Variants in CACNA1B observed in about 807,000 individuals in gnomAD.
CACNA1B encodes voltage-dependent N-type calcium channel subunit alpha-1B.
A neutral mutation model predicts 247.2 loss-of-function variants in CACNA1B; 70 were observed. The observed-to-expected ratio is 0.28, with a 90% CI of 0.23 to 0.35. The LOEUF is 0.35. CACNA1B is among the 10% of genes least tolerant of loss of function. CACNA1B has a pLI of 1.00. For missense variants in CACNA1B, 2,367 were observed against 3,197.4 expected (o/e 0.74, Z 6.26); for synonymous variants, 1,231 against 1,294.4 (o/e 0.95, Z 1.05).
chr9:138,007,930 C>T lies in CACNA1B; in HGVS notation c.2092+1046C>T, dbSNP rs1442937620. On this transcript the variant is annotated intron_variant, in intron 16 of 46. Coordinates refer to ENST00000371372, the MANE Select transcript of CACNA1B (RefSeq NM_000718.4). This position sits in a 1 kb window ranked among gnomAD's most constrained non-coding sequence, Gnocchi z 4.1. Reference sequence around the variant, plus strand: ...GCAGACTTCACCTTCTTTCCTGTCTCCATCTCCCTGGCTCCTCATTCCTTG... The same window carrying T: ...GCAGACTTCACCTTCTTTCCTGTCTTCATCTCCCTGGCTCCTCATTCCTTG... Among the ~76,000 whole-genome samples the T allele has an allele frequency of 6.6e-6, 1 of 152,230 alleles. No individual in the cohort carries two copies. Among genetic ancestry groups the T allele is most frequent in the Non-Finnish European group, 1.5e-5 (1 of 68,044 alleles).
intron 37 of CACNA1B, among the ~76,000 whole-genome samples, chr9:138,097,581 TC>T (rs1418772087): frequency 2.0e-5 from 3 of 152,154 alleles, no homozygotes; most frequent in Non-Finnish European, 2.9e-5. Context: ...CGGGAAATGA[TC>T]GTGGATGAGC....
In CACNA1B at chr9:138,105,699, C is replaced by T. The variant is rs2131353849; in HGVS notation, c.5320C>T (p.Arg1774Cys). ...KKCPARVAYK[R>C]LVRMNMPISN... Reference sequence around the variant, plus strand: ...CCTGACCGGCCCTGCTTGTCCCTAGCGCCTGGTTCGCATGAACATGCCCAT... The same window carrying T: ...CCTGACCGGCCCTGCTTGTCCCTAGTGCCTGGTTCGCATGAACATGCCCAT... The change falls in exon 39 of 47, where the codon CGC becomes TGC. Residue 1774 changes from arginine to cysteine, a missense_variant and splice_region_variant. Arg to Cys is a radical substitution (Grantham distance 180). This residue lies in a region of CACNA1B where 55 missense variants were observed against 107.8 expected (regional missense o/e 0.51). Coordinates refer to ENST00000371372, the MANE Select transcript of CACNA1B (RefSeq NM_000718.4). 2 of 1,540,502 alleles carry T rather than the reference C, an allele frequency of 1.3e-6. No homozygotes were observed. Among genetic ancestry groups the T allele is most frequent in the Non-Finnish European group, 1.8e-6 (2 of 1,137,926 alleles).
rs762688954 is a variant in CACNA1B, at chr9:138,120,248, C to G, written c.6114C>G (p.Thr2038=). The G allele has an allele frequency of 1.2e-6, 2 of 1,603,994 alleles. No homozygotes were observed. Among genetic ancestry groups the G allele is most frequent in the East Asian group, 4.5e-5 (2 of 44,060 alleles). The change falls in exon 45 of 47, where the codon ACC becomes ACG. Residue 2038 remains threonine, a synonymous_variant. Coordinates refer to ENST00000371372, the MANE Select transcript of CACNA1B (RefSeq NM_000718.4). ...RPRGTHLCST[T]PDRPPPSQAS... ...GTGGGACTCATCTTTGCAGCACCAC[C>G]CCGGACCGCCCACCCCCTAGCCAGG...
At position 138,057,946 on chromosome 9, in the gene CACNA1B, G is replaced by A; in HGVS notation, c.4106+77G>A. 1 of 1,571,436 alleles carries A rather than the reference G, an allele frequency of 6.4e-7. No homozygotes were observed. Among genetic ancestry groups the A allele is most frequent in the Non-Finnish European group, 8.7e-7 (1 of 1,146,474 alleles). On this transcript the variant is annotated intron_variant, in intron 27 of 46. Coordinates refer to ENST00000371372, the MANE Select transcript of CACNA1B (RefSeq NM_000718.4). This position sits in a 1 kb window ranked among gnomAD's most constrained non-coding sequence, Gnocchi z 4.0. The stretch of plus-strand genomic sequence containing the variant: ...GCCTCCCTTCCTCCCTCTATCCCTG[G>A]GCTCAGGCATGGAAGCAGACCCACC...
Position 138,102,422 on chromosome 9 carries a change from AT to A in CACNA1B, c.5223-288del, listed in dbSNP as rs1447705591. 6.6e-6 allele frequency among the ~76,000 whole-genome samples: 1 copy of A among 151,824 alleles called. No homozygotes were observed. The highest frequency in any genetic ancestry group is 1.5e-5 in the Non-Finnish European group (1 of 67,956). ...CGATGCAGCCCTTCCTCACCCCTCC[AT>A]GTTCATTAGCTCAGACGCCACCCCC... On this transcript the variant is annotated intron_variant, in intron 37 of 46. Transcript: ENST00000371372. The surrounding 1 kb of genome is among the most constrained non-coding windows in gnomAD (Gnocchi z 5.4).
intron 31 of CACNA1B, among the ~76,000 whole-genome samples, chr9:138,065,481 C>T (rs767251656): frequency 5.3e-5 from 8 of 152,184 alleles, no homozygotes; most frequent in Non-Finnish European, 1.2e-4. Context: ...GACGCTCCTG[C>T]AGGCCCAGGC....
At chr9:138,083,516 G>A (rs1291034006) in intron 36 of CACNA1B, among the ~76,000 whole-genome samples, 1 of 150,696 alleles carries the variant, frequency 6.6e-6, no homozygotes, top group Non-Finnish European at 1.5e-5. Flanking sequence ...TGGTGCGTTG[G>A]CCACCCAGAG....
intron 15 of CACNA1B, among the ~76,000 whole-genome samples, chr9:137,992,605 A>T (rs970754762): frequency 6.6e-6 from 1 of 152,164 alleles, no homozygotes; most frequent in African/African-American, 2.4e-5. Context: ...AGGTATTTAC[A>T]GAGCATTCTA....
chr9:138,079,475 G>A (rs1282387257), intron 36 of CACNA1B, among the ~76,000 whole-genome samples: 3 of 152,122 alleles, frequency 2.0e-5, no homozygotes, highest in African/African-American at 7.2e-5. Context: ...GGGCGTGGTG[G>A]CTCACACCTG....
intron 32 of CACNA1B, among the ~76,000 whole-genome samples, chr9:138,071,146 G>A (rs921810029): frequency 7.2e-5 from 11 of 152,236 alleles, no homozygotes; most frequent in African/African-American, 2.4e-4. Flanking sequence ...TCACCTCCTG[G>A]ACTGGGTGTC....
intron 3 of CACNA1B, among the ~76,000 whole-genome samples, chr9:137,901,951 A>G (rs1423409443): frequency 1.3e-5 from 2 of 152,158 alleles, no homozygotes; most frequent in Admixed American, 6.5e-5. Context: ...TCGACCTCCC[A>G]AAGTGCTGGG....
At chr9:138,060,816 G>A (rs921131618) in intron 31 of CACNA1B, among the ~76,000 whole-genome samples, 5 of 152,190 alleles carry the variant, frequency 3.3e-5, no homozygotes, top group African/African-American at 7.2e-5. Flanking sequence ...GAGACAGAGC[G>A]GAGCTCCGTC....
At chr9:137,933,913 T>G (rs1159531981) in intron 6 of CACNA1B, among the ~76,000 whole-genome samples, 1 of 152,148 alleles carries the variant, frequency 6.6e-6, no homozygotes, top group African/African-American at 2.4e-5. Context: ...ATTACTTATT[T>G]GTTATTTTGT....
At position 137,957,719 on chromosome 9, in the gene CACNA1B, AGGCTT is replaced by A; in HGVS notation, c.1333+34_1333+38del. The A allele has an allele frequency of 6.8e-7, 1 of 1,465,950 alleles. No individual in the cohort carries two copies. The highest frequency in any genetic ancestry group is 9.3e-7 in the Non-Finnish European group (1 of 1,075,200). The allele number at this position is 1,465,950 out of a possible 1,614,324, so 90.8% of individuals were successfully genotyped here. A position where few individuals can be genotyped will look rare whatever the true frequency, so the allele number is the denominator to read the frequency against. On this transcript the variant is annotated intron_variant, in intron 10 of 46. Transcript: ENST00000371372. The surrounding 1 kb of genome is among the most constrained non-coding windows in gnomAD (Gnocchi z 4.7). ...CTCAGGGTGTCCCTCCAGCTCTGCC[AGGCTT>A]GAGCTGGACATGGAGTGCATGCTCC...
At chr9:138,077,660 G>A (rs1443524531) in intron 35 of CACNA1B, among the ~76,000 whole-genome samples, 4 of 152,218 alleles carry the variant, frequency 2.6e-5, no homozygotes, top group Admixed American at 6.5e-5. Context: ...ACAGTGAGGA[G>A]TGGTGAGAGC....
chr9:138,032,560 G>T, intron 20 of CACNA1B: 1 of 405,824 alleles, frequency 2.5e-6, no homozygotes, highest in Non-Finnish European at 4.8e-6. Context: ...TTTGTGGTAG[G>T]TCTGCGGGTG....
Position 138,064,215 on chromosome 9 carries a change from C to T in CACNA1B, c.4668+4478C>T, listed in dbSNP as rs146715561. Among the ~76,000 whole-genome samples the T allele has an allele frequency of 3.3e-4, 51 of 152,330 alleles. No homozygotes were observed. In the East Asian group the frequency reaches 9.1e-3, roughly 27 times the overall value. On this transcript the variant is annotated intron_variant, in intron 31 of 46. Coordinates refer to ENST00000371372, the MANE Select transcript of CACNA1B (RefSeq NM_000718.4). ...TCCAGTGTGCAATTTCTCAAGTAAA[C>T]GAACCAGATCTCCTTGGGGAGGGGC... is the stretch of plus-strand genomic sequence containing the variant.
chr9:138,017,366 C>A (rs1400110321), intron 18 of CACNA1B, among the ~76,000 whole-genome samples: 1 of 152,250 alleles, frequency 6.6e-6, no homozygotes, highest in Non-Finnish European at 1.5e-5. Flanking sequence ...GGCTTGCTCC[C>A]TGATGTCCCC....
chr9:138,077,849 G>A (rs773647863), intron 35 of CACNA1B, among the ~76,000 whole-genome samples: 22 of 152,266 alleles, frequency 1.4e-4, no homozygotes, highest in Non-Finnish European at 2.6e-4. Context: ...GGCCTGTGGT[G>A]TCCACAAAGA....
Sources: allele counts gnomAD v4.1 joint callset (sites outside exome capture counted in the v4.1 genomes callset), GRCh38; gene constraint gnomAD v4.1.1; regional missense constraint gnomAD v4.1.1; non-coding constraint Gnocchi (gnomAD v3.1); transcripts MANE v1.5; gene names NCBI Gene and HGNC (gene_info 2026-07-23, HGNC 2026-07-21).